The following BCLAF1 variants were observed in gnomAD, a reference collection of about 807,000 sequenced individuals.
BCLAF1 encodes BCL2 associated transcription factor 1, also known as bcl-2-associated transcription factor 1.
Under a neutral mutation model 99.5 loss-of-function variants are expected in BCLAF1, and 10 were observed. The ratio of observed to expected loss-of-function variants is 0.10; its 90% CI spans 0.06 to 0.17. BCLAF1 has a LOEUF of 0.17. Ranked by LOEUF, BCLAF1 falls within the 10% of genes least tolerant of loss-of-function variation. The probability of loss-of-function intolerance (pLI) is 1.00; values close to 1 mark genes in which losing one functional copy is unlikely to be tolerated. For synonymous variants in BCLAF1, 255 were observed against 370.9 expected, an observed-to-expected ratio of 0.69 and a Z score of 3.59; for missense variants, 636 against 1,105.8, an observed-to-expected ratio of 0.58 and a Z score of 6.02.
chr6:136,266,327 A>G (rs1781710062), intron 11 of BCLAF1, among the ~76,000 whole-genome samples: 1 of 152,118 alleles, frequency 6.6e-6, no homozygotes, highest in Non-Finnish European at 1.5e-5. Flanking sequence ...AAAAGCCATG[A>G]CAAAAAAATG....
chr6:136,261,481 C>T lies in BCLAF1; in HGVS notation c.2545-4G>A. 7.5e-6 allele frequency: 12 copies of T among 1,610,194 alleles called. No homozygotes were observed. The highest frequency in any genetic ancestry group is 1.0e-5 in the Non-Finnish European group (12 of 1,178,742). Reference sequence around the variant, plus strand: ...CACCATCATCTCTGTCGTCATGCTACAGAAAGGTTAAAAACAATTGTCAAT... The same window carrying T: ...CACCATCATCTCTGTCGTCATGCTATAGAAAGGTTAAAAACAATTGTCAAT... On this transcript the variant is annotated splice_region_variant and splice_polypyrimidine_tract_variant and intron_variant, in intron 11 of 12. Transcript: ENST00000531224.
chr6:136,258,769 T>C lies in BCLAF1; in HGVS notation c.*2341A>G, dbSNP rs747352418. The stretch of plus-strand genomic sequence containing the variant: ...GACAAAAGGAACAATAGTAATTCCT[T>C]GAAGAAGACTAACTGGAAAAAACAT... On this transcript the variant is annotated 3_prime_UTR_variant, in exon 13 of 13. Transcript: ENST00000531224. 1 of 152,522 alleles carries C rather than the reference T, an allele frequency of 6.6e-6. No individual in the cohort carries two copies. The highest frequency in any genetic ancestry group is 2.1e-4 in the South Asian group (1 of 4,834). 9.4% of individuals were successfully genotyped at this position (152,522 alleles called of 1,614,324 possible).
At chr6:136,277,551 G>A (rs1783604541) in intron 4 of BCLAF1, among the ~76,000 whole-genome samples, 1 of 152,060 alleles carries the variant, frequency 6.6e-6, no homozygotes, top group African/African-American at 2.4e-5. Context: ...AAAGAGACAG[G>A]GTCTTGCTCT....
intron 2 of BCLAF1, among the ~76,000 whole-genome samples, chr6:136,281,287 A>G (rs1326766156): frequency 6.6e-6 from 1 of 152,230 alleles, no homozygotes; most frequent in African/African-American, 2.4e-5. Flanking sequence ...AGAATTCCAC[A>G]ACACATAAGA....
intron 1 of BCLAF1, among the ~76,000 whole-genome samples, chr6:136,288,198 T>C (rs1469160696): frequency 6.6e-6 from 1 of 152,206 alleles, no homozygotes; most frequent in African/African-American, 2.4e-5. Flanking sequence ...TTCACCACAA[T>C]GTACTGGTTG....
chr6:136,275,455 T>A lies in BCLAF1; in HGVS notation c.1852+77A>T. On this transcript the variant is annotated intron_variant, in intron 6 of 12. Transcript: ENST00000531224. The stretch of plus-strand genomic sequence containing the variant: ...TTTGCTAGCCCTGGGGTACATGAAT[T>A]ATTAAGCATAATTACACATTTTTTT... The A allele has an allele frequency of 2.9e-6, 4 of 1,357,928 alleles. No individual in the cohort carries two copies. The East Asian group carries it at 1.0e-4, about 34-fold the overall frequency. The allele number at this position is 1,357,928 out of a possible 1,614,324, so 84.1% of individuals were successfully genotyped here. A position where few individuals can be genotyped will look rare whatever the true frequency, so the allele number is the denominator to read the frequency against.
At chr6:136,285,516 G>A (rs946693438) in intron 1 of BCLAF1, among the ~76,000 whole-genome samples, 5 of 152,140 alleles carry the variant, frequency 3.3e-5, no homozygotes, top group Admixed American at 2.0e-4. Flanking sequence ...CCTAAAAGGT[G>A]CTTGATGTTT....
chr6:136,284,818 A>C (rs1301467122), intron 1 of BCLAF1, among the ~76,000 whole-genome samples: 1 of 152,014 alleles, frequency 6.6e-6, no homozygotes, highest in African/African-American at 2.4e-5. Flanking sequence ...AAATAGTGGC[A>C]AGTGCCACAT....
intron 8 of BCLAF1, 33 bp downstream of exon 8, chr6:136,271,962 T>C: frequency 6.7e-7 from 1 of 1,497,958 alleles, no homozygotes; most frequent in Non-Finnish European, 9.3e-7. Context: ...AAGCTGAACT[T>C]AACACGAAAA....
intron 8 of BCLAF1, chr6:136,269,838 TA>T: frequency 2.9e-6 from 1 of 349,796 alleles, no homozygotes; most frequent in Non-Finnish European, 5.1e-6. Context: ...GGGAAATTAT[TA>T]AAAGCTAATT....
chr6:136,284,075 A>T (rs1270263340), intron 1 of BCLAF1, among the ~76,000 whole-genome samples: 3 of 149,782 alleles, frequency 2.0e-5, no homozygotes, highest in African/African-American at 5.0e-5. Flanking sequence ...ACTTCCCTAA[A>T]CAATTCCAAA....
At chr6:136,262,920 C>T (rs1424522839) in intron 11 of BCLAF1, among the ~76,000 whole-genome samples, 3 of 152,074 alleles carry the variant, frequency 2.0e-5, no homozygotes, top group Admixed American at 1.3e-4. Context: ...CTTTGGGCAA[C>T]CTCTCTAGAA....
At chr6:136,261,225 C>CA (rs537502804) in intron 12 of BCLAF1, 40 bp downstream of exon 12, 84 of 1,597,326 alleles carry the variant, frequency 5.3e-5, no homozygotes, top group East Asian at 4.7e-4. Context: ...AAACCTATAT[C>CA]AAAAAAAATC....
At position 136,261,499 on chromosome 6, in the gene BCLAF1, T is replaced by C. The variant is rs1179247611; in HGVS notation, c.2545-22A>G. ...CATGCTACAGAAAGGTTAAAAACAA[T>C]TGTCAATGAAATGTTTCTTGTAAAG... On this transcript the variant is annotated intron_variant, in intron 11 of 12. Transcript: ENST00000531224. 8 of 1,599,188 alleles carry C rather than the reference T, an allele frequency of 5.0e-6. No individual in the cohort carries two copies. In the East Asian group the frequency reaches 1.1e-4, roughly 22 times the overall value.
rs1327499411 is a variant in BCLAF1 at position 136,258,273 on chromosome 6, G to A, written c.*2837C>T. The stretch of plus-strand genomic sequence containing the variant: ...ATGGGTGATAAGGTCCCAGATTAAC[G>A]TAAGAAAACGAGGACTAAACTGGAC... On this transcript the variant is annotated 3_prime_UTR_variant, in exon 13 of 13. Transcript: ENST00000531224. The A allele has an allele frequency of 4.6e-5, 7 of 151,964 alleles. No homozygotes were observed. The highest frequency in any genetic ancestry group is 2.1e-4 in the South Asian group (1 of 4,830). 9.4% of individuals were successfully genotyped at this position (151,964 alleles called of 1,614,324 possible). A position where few individuals can be genotyped will look rare whatever the true frequency, so the allele number is the denominator to read the frequency against.
Position 136,278,106 on chromosome 6 carries a change from AAGG to A in BCLAF1, c.772_774del (p.Pro258del), listed in dbSNP as rs747672818. Reference sequence around the variant, plus strand: ...TGCTGAATGGAATGTGAATGCTGAGAAGGAGTATTTTTTGCAGAGTGAACTGTA... The same window carrying A: ...TGCTGAATGGAATGTGAATGCTGAGAAGTATTTTTTGCAGAGTGAACTGTA... On this transcript the variant is annotated inframe_deletion, in exon 4 of 13. Coordinates refer to ENST00000531224, the MANE Select transcript of BCLAF1 (RefSeq NM_014739.3). 2.5e-6 allele frequency: 4 copies of A among 1,607,338 alleles called. No individual in the cohort carries two copies. The highest frequency in any genetic ancestry group is 3.4e-6 in the Non-Finnish European group (4 of 1,175,270).
At position 136,275,540 on chromosome 6, in the gene BCLAF1, T is replaced by C; in HGVS notation, c.1844A>G (p.His615Arg). The C allele has an allele frequency of 1.9e-6, 3 of 1,553,300 alleles. No individual in the cohort carries two copies. The highest frequency in any genetic ancestry group is 1.7e-6 in the Non-Finnish European group (2 of 1,156,152). Residue 615 changes from histidine to arginine, a missense_variant, in exon 6 of 13, where the codon CAT (histidine) becomes CGT (arginine). Transcript: ENST00000531224. ...FIQHIVSLVH[H>R]VKEQYFKSAA... is the part of the protein sequence containing the mutation. ...AAACATACTAAGCATACCTTTAACA[T>C]GATGAACCAAGGACACAATGTGTTG...
chr6:136,284,130 G>GTATATATATATATATA (rs60218804), intron 1 of BCLAF1, among the ~76,000 whole-genome samples: 104 of 122,090 alleles, frequency 8.5e-4, no homozygotes, highest in South Asian at 5.7e-3. Context: ...GTGTGTGTGT[G>GTATATATATATATATA]TATATATATA....
chr6:136,281,466 C>A (rs897931600), intron 2 of BCLAF1, among the ~76,000 whole-genome samples: 1 of 152,116 alleles, frequency 6.6e-6, no homozygotes. Flanking sequence ...CATCTGATTT[C>A]AAAATTCTGT....
Sources: allele counts gnomAD v4.1 joint callset (sites outside exome capture counted in the v4.1 genomes callset), GRCh38; gene constraint gnomAD v4.1.1; transcripts MANE v1.5; gene names NCBI Gene and HGNC (gene_info 2026-07-23, HGNC 2026-07-21).